Variants in RPS6KA2 observed in about 807,000 individuals in gnomAD.
RPS6KA2 encodes the protein ribosomal protein S6 kinase alpha-2.
Under a neutral mutation model 91.8 loss-of-function variants are expected in RPS6KA2, and 42 were observed. The ratio of observed to expected loss-of-function variants is 0.46; its 90% CI spans 0.36 to 0.59. The LOEUF (loss-of-function observed/expected upper bound fraction) is 0.59. Ranked by LOEUF, RPS6KA2 falls within the 20% of genes least tolerant of loss-of-function variation. The pLI is 0.00. For synonymous variants in RPS6KA2, 414 were observed against 393.6 expected (o/e 1.05, Z -0.61); for missense variants, 798 against 978.5 (o/e 0.82, Z 2.46).
rs562931682 is a variant in RPS6KA2 at position 166,581,352 on chromosome 6, C to T, written c.100-42568G>A. Among the ~76,000 whole-genome samples, 4 of 152,292 alleles carry T rather than the reference C, an allele frequency of 2.6e-5. No homozygotes were observed. In the South Asian group the frequency reaches 8.3e-4, roughly 32 times the overall value. On this transcript the variant is annotated intron_variant, in intron 1 of 20. Transcript: ENST00000265678. ...AATGCCGACAGCACCTGGGCTCCAG[C>T]GCCTTCTGGGGCCTAGGCCTCTCTA...
At chr6:166,607,743 T>C (rs544938856) in intron 1 of RPS6KA2, among the ~76,000 whole-genome samples, 1 of 152,332 alleles carries the variant, frequency 6.6e-6, no homozygotes, top group Non-Finnish European at 1.5e-5. Context: ...GTGAATTGTA[T>C]GGTATGTGAA....
At chr6:166,498,995 G>T (rs1288948975) in intron 7 of RPS6KA2, among the ~76,000 whole-genome samples, 1 of 152,174 alleles carries the variant, frequency 6.6e-6, no homozygotes. Context: ...GTGTTGCAGG[G>T]CAGAGGGACC....
Position 166,423,342 on chromosome 6 carries a change from A to G in RPS6KA2, c.1657T>C (p.Cys553Arg), listed in dbSNP as rs1292801193. 6.2e-7 allele frequency: 1 copy of G among 1,614,076 alleles called. No homozygotes were observed. Reference protein sequence around the residue: ...ESGSPESIRVCDFGFAKQLRA... With the variant: ...ESGSPESIRVRDFGFAKQLRA... The stretch of plus-strand genomic sequence containing the variant: ...AGCTGCTTGGCAAAGCCGAAGTCGC[A>G]GACTCGGATGGATTCTGGGCTCCCC... Residue 553 changes from cysteine (C) to arginine (R), a missense_variant, in exon 17 of 21, where the codon TGC becomes CGC. By Grantham distance (180) the Cys-to-Arg change is radical. Coordinates refer to ENST00000265678, the MANE Select transcript of RPS6KA2 (RefSeq NM_021135.6). This position sits in a 1 kb window ranked among gnomAD's most constrained non-coding sequence, Gnocchi z 4.8.
intron 16 of RPS6KA2, among the ~76,000 whole-genome samples, chr6:166,427,044 A>T: frequency 6.6e-6 from 1 of 150,972 alleles, no homozygotes. Context: ...TTGATGCAAA[A>T]ATCCTCAATA....
chr6:166,764,110 C>T (rs376060874), intron 2 of RPS6KA2, among the ~76,000 whole-genome samples: 8 of 152,284 alleles, frequency 5.3e-5, no homozygotes, highest in Admixed American at 2.6e-4. Context: ...GCATCGCTGC[C>T]GGCTCTGAGG....
At chr6:166,780,661 G>C (rs535397907) in intron 2 of RPS6KA2, among the ~76,000 whole-genome samples, 1 of 152,326 alleles carries the variant, frequency 6.6e-6, no homozygotes, top group East Asian at 1.9e-4. Context: ...GGAGGGGTCA[G>C]ACTTGAAATA....
intron 3 of RPS6KA2, among the ~76,000 whole-genome samples, chr6:166,521,897 C>T (rs1453166302): frequency 6.6e-5 from 10 of 152,102 alleles, no homozygotes; most frequent in Non-Finnish European, 1.2e-4. Flanking sequence ...GTGGGGCCTC[C>T]GGGAGGTGAT....
chr6:166,638,023 C>G (rs986751752), intron 2 of RPS6KA2, among the ~76,000 whole-genome samples: 2 of 152,270 alleles, frequency 1.3e-5, no homozygotes, highest in African/African-American at 4.8e-5. Context: ...TGGCCACAGC[C>G]AGCCTTCGCC....
At chr6:166,688,858 CG>C (rs1474634306) in intron 2 of RPS6KA2, among the ~76,000 whole-genome samples, 1 of 152,186 alleles carries the variant, frequency 6.6e-6, no homozygotes, top group Non-Finnish European at 1.5e-5. Flanking sequence ...AAAATGAGAT[CG>C]TAATTGTGCT....
chr6:166,682,947 A>G (rs916395722), intron 2 of RPS6KA2, among the ~76,000 whole-genome samples: 21 of 152,218 alleles, frequency 1.4e-4, no homozygotes, highest in African/African-American at 4.8e-4. Flanking sequence ...AATGAGTTGA[A>G]GGCATGAATG....
At chr6:166,764,049 T>C (rs1355412630) in intron 2 of RPS6KA2, among the ~76,000 whole-genome samples, 1 of 152,194 alleles carries the variant, frequency 6.6e-6, no homozygotes, top group African/African-American at 2.4e-5. Context: ...TTTGGGGAGT[T>C]GTGAGCGTGA....
intron 2 of RPS6KA2, among the ~76,000 whole-genome samples, chr6:166,761,972 G>T (rs1408622753): frequency 6.6e-6 from 1 of 152,184 alleles, no homozygotes; most frequent in Non-Finnish European, 1.5e-5. Context: ...CAGCCCCCTG[G>T]ACCTCCCAGA....
At chr6:166,444,949 G>C (rs2294326) in intron 14 of RPS6KA2, among the ~76,000 whole-genome samples, 130,113 of 152,232 alleles carry the variant, frequency 0.85, 56,002 homozygotes, top group Middle Eastern at 0.92. Context: ...TAAATGCAAA[G>C]TGAACAATCT....
chr6:166,646,149 G>C (rs1050647771), intron 2 of RPS6KA2, among the ~76,000 whole-genome samples: 1 of 152,126 alleles, frequency 6.6e-6, no homozygotes, highest in African/African-American at 2.4e-5. Flanking sequence ...GGGGTGGCTT[G>C]GTTTCCTTAA....
intron 2 of RPS6KA2, among the ~76,000 whole-genome samples, chr6:166,803,620 G>A (rs545597635): frequency 2.2e-4 from 33 of 152,340 alleles, no homozygotes; most frequent in African/African-American, 7.9e-4. Context: ...CAAATGCTTA[G>A]CTGACTAATT....
At position 166,416,451 on chromosome 6, in the gene RPS6KA2, ATC is replaced by A. The variant is rs1387210909; in HGVS notation, c.1938+1772_1938+1773del. On this transcript the variant is annotated intron_variant, in intron 19 of 20. Coordinates refer to ENST00000265678, the MANE Select transcript of RPS6KA2 (RefSeq NM_021135.6). ...CATTACCTCCACAATCACTACCATC[ATC>A]TCTCACTATCATCTCCCACCACTCC... Among the ~76,000 whole-genome samples, 5 of 150,254 alleles carry A rather than the reference ATC, an allele frequency of 3.3e-5. No individual in the cohort carries two copies. The East Asian group carries it at 7.9e-4, about 24-fold the overall frequency.
intron 1 of RPS6KA2, among the ~76,000 whole-genome samples, chr6:166,860,667 G>C (rs2128635140): frequency 6.6e-6 from 1 of 152,290 alleles, no homozygotes; most frequent in Non-Finnish European, 1.5e-5. Context: ...TCATTCGTGA[G>C]GGCTGAGCAC....
intron 2 of RPS6KA2, among the ~76,000 whole-genome samples, chr6:166,697,887 A>C (rs1003242752): frequency 2.0e-5 from 3 of 152,218 alleles, no homozygotes; most frequent in African/African-American, 7.2e-5. Context: ...GTAGCCCCAG[A>C]AAATGAGGCA....
chr6:166,617,838 G>A (rs3778375), intron 1 of RPS6KA2, among the ~76,000 whole-genome samples: 22,539 of 152,248 alleles, frequency 0.15, 1,711 homozygotes, highest in Non-Finnish European at 0.17. Context: ...TGTGGCTGCC[G>A]AGCAAACGCC....
Sources: allele counts gnomAD v4.1 joint callset (sites outside exome capture counted in the v4.1 genomes callset), GRCh38; gene constraint gnomAD v4.1.1; non-coding constraint Gnocchi (gnomAD v3.1); transcripts MANE v1.5; gene names NCBI Gene and HGNC (gene_info 2026-07-23, HGNC 2026-07-21).